The following UNC5C variants were observed in gnomAD, a reference collection of about 807,000 sequenced individuals.
The protein encoded by UNC5C is unc-5 netrin receptor C, also known as netrin receptor UNC5C.
In UNC5C, 47 loss-of-function variants were observed where a neutral mutation model predicts 99.8. That is an observed-to-expected ratio of 0.47 (90% CI 0.37 to 0.60). The LOEUF (loss-of-function observed/expected upper bound fraction) is 0.60, where lower values mean the gene tolerates loss of function less well. Among genes scored for constraint, UNC5C ranks in the 20% least tolerant of loss-of-function variants. UNC5C has a pLI of 0.00. For missense variants in UNC5C, 1,062 were observed against 1,165.9 expected (o/e 0.91, Z 1.30); for synonymous variants, 487 against 452.2 (o/e 1.08, Z -0.98).
chr4:95,398,532 T>C (rs1745592208), intron 1 of UNC5C, among the ~76,000 whole-genome samples: 1 of 152,162 alleles, frequency 6.6e-6, no homozygotes, highest in Non-Finnish European at 1.5e-5. Context: ...CATGTAGTGT[T>C]TGTATCATTC....
chr4:95,445,705 A>T (rs955201601), intron 1 of UNC5C, among the ~76,000 whole-genome samples: 1 of 152,196 alleles, frequency 6.6e-6, no homozygotes, highest in African/African-American at 2.4e-5. Context: ...TTACTGCGAA[A>T]CAAATGAGTA....
chr4:95,318,881 T>C (rs1427916461), intron 2 of UNC5C, among the ~76,000 whole-genome samples: 5 of 152,314 alleles, frequency 3.3e-5, no homozygotes, highest in South Asian at 2.1e-4. Flanking sequence ...CTCTATACCA[T>C]AGGACTACCA....
At chr4:95,391,270 T>C (rs558533683) in intron 1 of UNC5C, among the ~76,000 whole-genome samples, 38 of 152,284 alleles carry the variant, frequency 2.5e-4, no homozygotes, top group African/African-American at 8.2e-4. Flanking sequence ...AGCTAACTTA[T>C]TTTTAATTTT....
At chr4:95,499,664 C>A (rs1721725676) in intron 1 of UNC5C, among the ~76,000 whole-genome samples, 1 of 152,044 alleles carries the variant, frequency 6.6e-6, no homozygotes, top group South Asian at 2.1e-4. Context: ...GAGTCAATTA[C>A]AGGAAACCTA....
At chr4:95,452,267 TC>T (rs1747299860) in intron 1 of UNC5C, among the ~76,000 whole-genome samples, 1 of 151,122 alleles carries the variant, frequency 6.6e-6, no homozygotes, top group South Asian at 2.1e-4. Flanking sequence ...AAAAAAAAAA[TC>T]CCACATACTT....
intron 7 of UNC5C, among the ~76,000 whole-genome samples, chr4:95,229,873 C>T (rs1738844168): frequency 2.9e-5 from 4 of 137,190 alleles, no homozygotes; most frequent in Admixed American, 1.6e-4. Context: ...TGCAGTGGCA[C>T]GATCTTGGCT....
chr4:95,204,507 A>G (rs1221798105), intron 11 of UNC5C, among the ~76,000 whole-genome samples: 1 of 152,260 alleles, frequency 6.6e-6, no homozygotes, highest in Non-Finnish European at 1.5e-5. Flanking sequence ...GCAGGAATGC[A>G]GGCCAAGTAT....
At position 95,266,617 on chromosome 4, in the gene UNC5C, C is replaced by T. The variant is rs1186791206; in HGVS notation, c.594+11642G>A. 4.6e-5 allele frequency among the ~76,000 whole-genome samples: 7 copies of T among 152,168 alleles called. No individual in the cohort carries two copies. The East Asian group carries it at 1.3e-3, about 29-fold the overall frequency. On this transcript the variant is annotated intron_variant, in intron 4 of 15. Coordinates refer to ENST00000453304, the MANE Select transcript of UNC5C (RefSeq NM_003728.4). ...ATTTTATAATAGTCAGAACCATTGG[C>T]TGCCTAAGTCCTGTCAGGGAAAGAG...
At chr4:95,247,005 C>T (rs1739525997) in intron 5 of UNC5C, among the ~76,000 whole-genome samples, 1 of 151,608 alleles carries the variant, frequency 6.6e-6, no homozygotes, top group African/African-American at 2.4e-5. Flanking sequence ...TGCGCCACTG[C>T]ACCCTAGCCT....
chr4:95,476,687 C>G (rs1748159746), intron 1 of UNC5C, among the ~76,000 whole-genome samples: 1 of 152,066 alleles, frequency 6.6e-6, no homozygotes, highest in African/African-American at 2.4e-5. Context: ...CATGCAACTA[C>G]TTCAAATAAT....
chr4:95,420,738 T>C (rs1177691092), intron 1 of UNC5C, among the ~76,000 whole-genome samples: 1 of 152,110 alleles, frequency 6.6e-6, no homozygotes, highest in Non-Finnish European at 1.5e-5. Flanking sequence ...ACCATCACTG[T>C]GGGTGACATG....
intron 2 of UNC5C, among the ~76,000 whole-genome samples, chr4:95,303,333 T>TC (rs760877689): frequency 2.0e-5 from 3 of 152,188 alleles, no homozygotes; most frequent in Non-Finnish European, 2.9e-5. Context: ...TGCCAAGTAA[T>TC]CCCAATGCAT....
chr4:95,493,094 G>T (rs1274281827), intron 1 of UNC5C, among the ~76,000 whole-genome samples: 1 of 151,266 alleles, frequency 6.6e-6, no homozygotes, highest in South Asian at 2.1e-4. Context: ...CAGCTTTAAC[G>T]GTAACCAACA....
intron 1 of UNC5C, among the ~76,000 whole-genome samples, chr4:95,433,790 C>T (rs1309572572): frequency 2.0e-5 from 3 of 152,028 alleles, no homozygotes; most frequent in Non-Finnish European, 4.4e-5. Context: ...AACCTTCTAC[C>T]AAGTATGATC....
At chr4:95,356,193 CAAAAAA>C (rs59097041) in intron 1 of UNC5C, among the ~76,000 whole-genome samples, 9 of 58,006 alleles carry the variant, frequency 1.6e-4, no homozygotes, top group Admixed American at 9.4e-4. Context: ...GACCCTGTAG[CAAAAAA>C]AAAAAAAAAA....
At chr4:95,193,935 G>A (rs1169823330) in intron 12 of UNC5C, among the ~76,000 whole-genome samples, 2 of 151,846 alleles carry the variant, frequency 1.3e-5, no homozygotes, top group Non-Finnish European at 1.5e-5. Flanking sequence ...CTGTGTTCAC[G>A]CCAGGGTGCT....
chr4:95,331,138 A>G (rs1377814203), intron 2 of UNC5C, among the ~76,000 whole-genome samples: 1 of 152,102 alleles, frequency 6.6e-6, no homozygotes, highest in Non-Finnish European at 1.5e-5. Flanking sequence ...GTTGCTGCAA[A>G]AGACATGGTT....
intron 1 of UNC5C, among the ~76,000 whole-genome samples, chr4:95,525,881 C>T (rs1282724996): frequency 6.6e-6 from 1 of 152,090 alleles, no homozygotes; most frequent in East Asian, 1.9e-4. Context: ...CCCGGTTTAA[C>T]AAATCTTAAT....
At chr4:95,424,575 G>A (rs1746418340) in intron 1 of UNC5C, among the ~76,000 whole-genome samples, 2 of 127,310 alleles carry the variant, frequency 1.6e-5, no homozygotes, top group Non-Finnish European at 3.2e-5. Flanking sequence ...TGGCTGGAGT[G>A]CAGTGGCGCA....
Sources: allele counts gnomAD v4.1 joint callset (sites outside exome capture counted in the v4.1 genomes callset), GRCh38; gene constraint gnomAD v4.1.1; transcripts MANE v1.5; gene names NCBI Gene and HGNC (gene_info 2026-07-23, HGNC 2026-07-21).